RFWD3: variants seen among roughly 807,000 people sequenced by gnomAD.
The protein encoded by RFWD3 is ring finger and WD repeat domain 3, also known as E3 ubiquitin-protein ligase RFWD3.
A neutral mutation model predicts 87.7 loss-of-function variants in RFWD3; 65 were observed. The ratio of observed to expected loss-of-function variants is 0.74; its 90% CI spans 0.61 to 0.91. RFWD3 has a LOEUF of 0.91. Ranked by LOEUF, RFWD3 falls within the 40% of genes least tolerant of loss-of-function variation. The probability of loss-of-function intolerance (pLI) is 0.00; values close to 1 mark genes in which losing one functional copy is unlikely to be tolerated. For synonymous variants in RFWD3, 433 were observed against 352.8 expected (o/e 1.23, Z -2.55); for missense variants, 1,078 against 938.5 (o/e 1.15, Z -1.94).
intron 12 of RFWD3, 141 bp from the exon 13 acceptor site, chr16:74,624,212 A>C: frequency 1.0e-6 from 1 of 991,674 alleles, no homozygotes; most frequent in Non-Finnish European, 1.4e-6. Flanking sequence ...AACCTTTGCA[A>C]GGTTGTTCAA....
intron 2 of RFWD3, among the ~76,000 whole-genome samples, 195 bp from the exon 3 acceptor site, chr16:74,652,317 C>A (rs1290601975): frequency 6.6e-6 from 1 of 151,728 alleles, no homozygotes; most frequent in African/African-American, 2.4e-5. Flanking sequence ...ACCACTCAAC[C>A]ACTGCTACAT....
chr16:74,653,398 T>A (rs1960720062), intron 2 of RFWD3, among the ~76,000 whole-genome samples: 1 of 151,868 alleles, frequency 6.6e-6, no homozygotes, highest in African/African-American at 2.4e-5. Flanking sequence ...GGAGGATCAC[T>A]TGAGCCCGAG....
chr16:74,657,798 A>C (rs1000918455), intron 2 of RFWD3, among the ~76,000 whole-genome samples: 2 of 152,134 alleles, frequency 1.3e-5, no homozygotes, highest in Non-Finnish European at 2.9e-5. Context: ...GACAGTGCTA[A>C]GCAAGTTTAC....
chr16:74,653,372 T>C (rs774759415), intron 2 of RFWD3, among the ~76,000 whole-genome samples: 7 of 150,940 alleles, frequency 4.6e-5, no homozygotes, highest in Non-Finnish European at 5.9e-5. Flanking sequence ...CCCAAAAAAC[T>C]TGGGAGGCTG....
At chr16:74,626,276 G>A (rs12933037) in intron 12 of RFWD3, 67 bp downstream of exon 12, 563,993 of 1,449,806 alleles carry the variant, frequency 0.39, 113,081 homozygotes, top group African/African-American at 0.49. Flanking sequence ...AAAAGTTCAT[G>A]TTTTCCCTTA....
At chr16:74,651,745 C>CAAA (rs1249168466) in intron 3 of RFWD3, among the ~76,000 whole-genome samples, 175 bp downstream of exon 3, 1 of 152,186 alleles carries the variant, frequency 6.6e-6, no homozygotes, top group Admixed American at 6.6e-5. Flanking sequence ...TAAGTCAGAT[C>CAAA]AAATCCTCTC....
chr16:74,641,899 C>T (rs916802280), intron 6 of RFWD3, among the ~76,000 whole-genome samples: 16 of 120,046 alleles, frequency 1.3e-4, no homozygotes, highest in Admixed American at 2.2e-4. Flanking sequence ...TGCAATCCAG[C>T]CTGGGCAACA....
chr16:74,626,274 A>C, intron 12 of RFWD3, 69 bp downstream of exon 12: 1 of 1,427,378 alleles, frequency 7.0e-7, no homozygotes, highest in South Asian at 1.2e-5. Context: ...AAAAAAGTTC[A>C]TGTTTTCCCT....
chr16:74,654,610 G>C lies in RFWD3; in HGVS notation c.519-2488C>G, dbSNP rs78888132. Among the ~76,000 whole-genome samples the C allele has an allele frequency of 2.8e-3, 433 of 152,186 alleles. 1 individual carries two copies. The highest frequency in any genetic ancestry group is 9.9e-3 in the African/African-American group (413 of 41,528). On this transcript the variant is annotated intron_variant, in intron 2 of 12. Coordinates refer to ENST00000361070, the MANE Select transcript of RFWD3 (RefSeq NM_018124.4). ...AGTGTTCAAATTAAGGGAAGAGTCA[G>C]GCATCTCTCACTTTAAATCACTAAG...
chr16:74,627,225 C>T (rs748145728), intron 11 of RFWD3, among the ~76,000 whole-genome samples: 150 of 152,336 alleles, frequency 9.8e-4, no homozygotes, highest in Non-Finnish European at 1.6e-3. Context: ...ATGACTAACT[C>T]TGACTATACA....
chr16:74,652,175 A>G, intron 2 of RFWD3, 53 bp from the exon 3 acceptor site: 1 of 1,501,060 alleles, frequency 6.7e-7, no homozygotes. Flanking sequence ...ATCATCACAA[A>G]AACAATCTAT....
At chr16:74,637,999 G>C in intron 6 of RFWD3, 29 bp from the exon 7 acceptor site, 1 of 1,500,164 alleles carries the variant, frequency 6.7e-7, no homozygotes, top group Non-Finnish European at 9.2e-7. Context: ...CAACAAGTGG[G>C]GATTAGGAAG....
chr16:74,630,173 G>A (rs917721167), intron 10 of RFWD3, among the ~76,000 whole-genome samples: 2 of 151,896 alleles, frequency 1.3e-5, no homozygotes, highest in Non-Finnish European at 2.9e-5. Flanking sequence ...TCGGCTCACC[G>A]CAACCTCCGC....
rs2144130188 is a variant in RFWD3, at chr16:74,637,844, G to A, written c.1194+12C>T. ...TTCCAAAAGTTCTTTGGATTAGAAA[G>A]GACAAACGTACCTGAACACGCCTTT... On this transcript the variant is annotated intron_variant, in intron 7 of 12. Coordinates refer to ENST00000361070, the MANE Select transcript of RFWD3 (RefSeq NM_018124.4). 1 of 1,597,488 alleles carries A rather than the reference G, an allele frequency of 6.3e-7. No homozygotes were observed. Among genetic ancestry groups the A allele is most frequent in the Non-Finnish European group, 8.6e-7 (1 of 1,166,776 alleles).
chr16:74,658,161 T>C (rs1176961555), intron 2 of RFWD3, among the ~76,000 whole-genome samples: 1 of 152,104 alleles, frequency 6.6e-6, no homozygotes, highest in African/African-American at 2.4e-5. Context: ...ACTTTGAATT[T>C]TGCTCCTTCC....
intron 6 of RFWD3, among the ~76,000 whole-genome samples, chr16:74,638,331 G>C (rs1959326991): frequency 6.6e-6 from 1 of 152,040 alleles, no homozygotes; most frequent in South Asian, 2.1e-4. Context: ...TTGTTCATGA[G>C]ATACTCAAAT....
chr16:74,641,491 A>C (rs1474676056), intron 6 of RFWD3, among the ~76,000 whole-genome samples: 1 of 152,090 alleles, frequency 6.6e-6, no homozygotes, highest in African/African-American at 2.4e-5. Flanking sequence ...CTAGAGAACT[A>C]GAATATTATC....
Position 74,661,340 on chromosome 16 carries a change from TGGA to T in RFWD3, c.107_109del (p.Leu36del), listed in dbSNP as rs757029951. 2.8e-5 allele frequency: 45 copies of T among 1,614,012 alleles called. 1 individual carries two copies. In the Admixed American group the frequency reaches 3.3e-4, roughly 12 times the overall value. ...GCTGACCACATCAGCAGGAACAGGCTGGAGGAGGGCTGGTCCCCCTTGGCTGCT... is the reference window on the plus strand; with the variant it reads ...GCTGACCACATCAGCAGGAACAGGCTGGAGGGCTGGTCCCCCTTGGCTGCT... On this transcript the variant is annotated inframe_deletion, in exon 2 of 13. Transcript: ENST00000361070.
In RFWD3 at chr16:74,641,769, A is replaced by C. The variant is rs540496628; in HGVS notation, c.1079+2593T>G. Among the ~76,000 whole-genome samples, 11 of 151,232 alleles carry C rather than the reference A, an allele frequency of 7.3e-5. No homozygotes were observed. In the East Asian group the frequency reaches 2.0e-3, roughly 27 times the overall value. On this transcript the variant is annotated intron_variant, in intron 6 of 12. Transcript: ENST00000361070. ...GAAACCCTGTCTCTACTAAAAATAC[A>C]AAAAAAATTAGCTGGGCATGGTGAA...
Sources: gnomAD v4.1 joint callset for allele counts (sites outside exome capture counted in the v4.1 genomes callset) on GRCh38, gnomAD v4.1.1 for gene constraint, MANE v1.5 for transcripts, NCBI Gene and HGNC (gene_info 2026-07-23, HGNC 2026-07-21) for gene names.